UBE2QL1: variants seen among roughly 807,000 people sequenced by gnomAD.
UBE2QL1 encodes the protein ubiquitin-conjugating enzyme E2Q-like protein 1.
UBE2QL1 carries 5 observed loss-of-function variants against 12.6 expected under a neutral mutation model. The observed-to-expected ratio is 0.40, with a 90% CI of 0.21 to 0.83. The LOEUF (loss-of-function observed/expected upper bound fraction) is 0.83. Ranked by LOEUF, UBE2QL1 falls within the 40% of genes least tolerant of loss-of-function variation. UBE2QL1 has a pLI of 0.37. For synonymous variants in UBE2QL1, 96 were observed against 94.5 expected (o/e 1.02, Z -0.10); for missense variants, 99 against 222.6 (o/e 0.44, Z 3.53).
chr5:6,475,029 T>C (rs925017559), intron 1 of UBE2QL1, among the ~76,000 whole-genome samples: 3 of 152,252 alleles, frequency 2.0e-5, no homozygotes, highest in Admixed American at 2.0e-4. Context: ...GGCGCAGCTT[T>C]CCCTATATTC....
intron 1 of UBE2QL1, among the ~76,000 whole-genome samples, chr5:6,455,713 G>A (rs1037124649): frequency 3.9e-5 from 6 of 152,052 alleles, no homozygotes; most frequent in Non-Finnish European, 5.9e-5. Context: ...CCTGACGCTG[G>A]CCATGGTCCA....
chr5:6,478,304 A>C lies in UBE2QL1; in HGVS notation c.355-12914A>C, dbSNP rs1264702125. Among the ~76,000 whole-genome samples, 1 of 152,172 alleles carries C rather than the reference A, an allele frequency of 6.6e-6. No homozygotes were observed. Among genetic ancestry groups the C allele is most frequent in the Non-Finnish European group, 1.5e-5 (1 of 68,044 alleles). On this transcript the variant is annotated intron_variant, in intron 1 of 1. Transcript: ENST00000399816. This position sits in a 1 kb window ranked among gnomAD's most constrained non-coding sequence, Gnocchi z 4.5. ...AGTGCTGAGCATGCTGTATGACATG[A>C]GCTTTCTCTGTCATTGTAAGTAACA...
At chr5:6,490,204 A>G (rs879741397) in intron 1 of UBE2QL1, among the ~76,000 whole-genome samples, 1 of 152,192 alleles carries the variant, frequency 6.6e-6, no homozygotes, top group Non-Finnish European at 1.5e-5. Context: ...CTTAATGAAG[A>G]GTAATTGAGG....
chr5:6,464,194 CAGTGATGCTTTTGAGCTGTTG>C (rs1238713148), intron 1 of UBE2QL1, among the ~76,000 whole-genome samples: 2 of 152,326 alleles, frequency 1.3e-5, no homozygotes, highest in East Asian at 3.9e-4. Context: ...ACCAAGACCT[CAGTGATGCTTTTGAGCTGTTG>C]AGTGATGTTT....
chr5:6,467,722 C>T (rs1739826912), intron 1 of UBE2QL1, among the ~76,000 whole-genome samples: 1 of 152,156 alleles, frequency 6.6e-6, no homozygotes, highest in African/African-American at 2.4e-5. Flanking sequence ...TCCTGTTTGT[C>T]TTTGCCGGGG....
At chr5:6,477,942 A>G (rs1734274888) in intron 1 of UBE2QL1, among the ~76,000 whole-genome samples, 1 of 152,198 alleles carries the variant, frequency 6.6e-6, no homozygotes, top group Non-Finnish European at 1.5e-5. Context: ...CCACCCTCCT[A>G]GAATAAAGTC....
intron 1 of UBE2QL1, among the ~76,000 whole-genome samples, chr5:6,465,657 C>T (rs1273867274): frequency 2.0e-5 from 3 of 152,122 alleles, no homozygotes; most frequent in South Asian, 2.1e-4. Context: ...TCTCCGCCCC[C>T]AGCAATTCAG....
chr5:6,483,116 T>C (rs1734395724), intron 1 of UBE2QL1, among the ~76,000 whole-genome samples: 1 of 152,194 alleles, frequency 6.6e-6, no homozygotes, highest in South Asian at 2.1e-4. Flanking sequence ...CTTCCACGTC[T>C]TGATAGGCTC....
intron 1 of UBE2QL1, among the ~76,000 whole-genome samples, chr5:6,455,015 C>T (rs1501618): frequency 0.8 from 122,021 of 152,204 alleles, 49,765 homozygotes; most frequent in Non-Finnish European, 0.88. Context: ...CAGCTCAGCC[C>T]GGGGTGCATG....
chr5:6,468,358 C>T (rs1032010671), intron 1 of UBE2QL1, among the ~76,000 whole-genome samples: 1 of 152,196 alleles, frequency 6.6e-6, no homozygotes, highest in African/African-American at 2.4e-5. Context: ...TGAAGGGATG[C>T]TCCTGCTGTG....
rs1168724929 is a variant in UBE2QL1 at position 6,479,965 on chromosome 5, G to A, written c.355-11253G>A. On this transcript the variant is annotated intron_variant, in intron 1 of 1. Coordinates refer to ENST00000399816, the MANE Select transcript of UBE2QL1 (RefSeq NM_001145161.3). This position sits in a 1 kb window ranked among gnomAD's most constrained non-coding sequence, Gnocchi z 4.2. ...ACATAAACCATGTGGCAAATGACAG[G>A]ATGGCTGGCCAGGAGCTCCCTGTTG... Among the ~76,000 whole-genome samples the A allele has an allele frequency of 6.6e-6, 1 of 152,246 alleles. No homozygotes were observed. Among genetic ancestry groups the A allele is most frequent in the Non-Finnish European group, 1.5e-5 (1 of 68,046 alleles).
At chr5:6,469,862 T>C (rs1169583089) in intron 1 of UBE2QL1, among the ~76,000 whole-genome samples, 1 of 152,180 alleles carries the variant, frequency 6.6e-6, no homozygotes, top group Non-Finnish European at 1.5e-5. Flanking sequence ...GATAACAATT[T>C]ATTAGAGAAG....
At chr5:6,483,747 T>C (rs1259391548) in intron 1 of UBE2QL1, among the ~76,000 whole-genome samples, 1 of 151,564 alleles carries the variant, frequency 6.6e-6, no homozygotes, top group Non-Finnish European at 1.5e-5. Flanking sequence ...TGGAGGAGAG[T>C]CGTCATTTCC....
chr5:6,482,704 A>G (rs1734386551), intron 1 of UBE2QL1, among the ~76,000 whole-genome samples: 1 of 152,204 alleles, frequency 6.6e-6, no homozygotes, highest in South Asian at 2.1e-4. Flanking sequence ...CATTCAGAGA[A>G]TGGAGGCCAG....
rs1734556865 is a variant in UBE2QL1, at chr5:6,491,023, C to A, written c.355-195C>A. Among the ~76,000 whole-genome samples the A allele has an allele frequency of 5.3e-5, 8 of 152,322 alleles. No individual in the cohort carries two copies. In the South Asian group the frequency reaches 1.7e-3, roughly 32 times the overall value. ...CTAAAAGGCTGCCAGCCCCAGGCTG[C>A]CCTATCTGTTTGGTGCCAGAGCTGA... is the stretch of plus-strand genomic sequence containing the variant. On this transcript the variant is annotated intron_variant, in intron 1 of 1. Transcript: ENST00000399816.
chr5:6,468,863 T>C (rs1485584762), intron 1 of UBE2QL1, among the ~76,000 whole-genome samples: 1 of 152,190 alleles, frequency 6.6e-6, no homozygotes, highest in Non-Finnish European at 1.5e-5. Context: ...ACAGTTATGT[T>C]CCATCATGTG....
At chr5:6,468,805 G>A (rs1285231096) in intron 1 of UBE2QL1, among the ~76,000 whole-genome samples, 1 of 152,166 alleles carries the variant, frequency 6.6e-6, no homozygotes, top group African/African-American at 2.4e-5. Context: ...ACCTACCAGA[G>A]TGCTTGTTTG....
Position 6,491,681 on chromosome 5 carries a change from C to T in UBE2QL1, c.*332C>T, listed in dbSNP as rs1458975643. ...GAGCTTCTTTCCATGACAGCAGCTC[C>T]GACGAGCCGGCAGGAAACTCAATGC... is the stretch of plus-strand genomic sequence containing the variant. On this transcript the variant is annotated 3_prime_UTR_variant, in exon 2 of 2. Transcript: ENST00000399816. The T allele has an allele frequency of 7.3e-5, 13 of 177,124 alleles. No individual in the cohort carries two copies. Among genetic ancestry groups the T allele is most frequent in the Non-Finnish European group, 1.4e-4 (12 of 84,822 alleles). 11.0% of individuals were successfully genotyped at this position (177,124 alleles called of 1,614,324 possible). A position where few individuals can be genotyped will look rare whatever the true frequency, so the allele number is the denominator to read the frequency against.
chr5:6,455,884 G>A lies in UBE2QL1; in HGVS notation c.354+6637G>A, dbSNP rs377660151. Among the ~76,000 whole-genome samples, 9 of 152,222 alleles carry A rather than the reference G, an allele frequency of 5.9e-5. No homozygotes were observed. The South Asian group carries it at 8.3e-4, about 14-fold the overall frequency. ...CCCTGACTCAGCGCCTTCAAAGCCCGACTTCTGTAGAGATGCCATCCTAAA... is the reference window on the plus strand; with the variant it reads ...CCCTGACTCAGCGCCTTCAAAGCCCAACTTCTGTAGAGATGCCATCCTAAA... On this transcript the variant is annotated intron_variant, in intron 1 of 1. Transcript: ENST00000399816.
Sources: gnomAD v4.1 joint callset for allele counts (sites outside exome capture counted in the v4.1 genomes callset) on GRCh38, gnomAD v4.1.1 for gene constraint, Gnocchi (gnomAD v3.1) non-coding constraint, MANE v1.5 for transcripts, NCBI Gene and HGNC (gene_info 2026-07-23, HGNC 2026-07-21) for gene names.